The following CELF2 variants were observed in gnomAD, a reference collection of about 807,000 sequenced individuals.
CELF2 encodes the protein CUG triplet repeat RNA-binding protein 2.
A neutral mutation model predicts 62.6 loss-of-function variants in CELF2; 8 were observed. The ratio of observed to expected loss-of-function variants is 0.13; its 90% confidence interval spans 0.07 to 0.23. CELF2 has a LOEUF of 0.23. CELF2 is among the 10% of genes least tolerant of loss of function. The probability of loss-of-function intolerance (pLI) is 1.00; values close to 1 mark genes in which losing one functional copy is unlikely to be tolerated. For missense variants in CELF2, 333 were observed against 671.0 expected (o/e 0.50, Z 5.56); for synonymous variants, 258 against 250.0 (o/e 1.03, Z -0.30).
chr10:10,653,332 C>A, the CELF2 span, among the ~76,000 whole-genome samples: 2 of 149,264 alleles, frequency 1.3e-5, no homozygotes, highest in Non-Finnish European at 3.0e-5. Flanking sequence ...AACAAGGATA[C>A]CCAGGAATTG....
At chr10:11,325,757 G>C in intron 11 of CELF2, 79 bp from the exon 12 acceptor site, 8 of 1,319,454 alleles carry the variant, frequency 6.1e-6, no homozygotes, top group South Asian at 5.7e-5. Flanking sequence ...CCTACCTGTT[G>C]TTAAAGTATT....
the CELF2 span, among the ~76,000 whole-genome samples, chr10:10,473,913 A>C: frequency 6.6e-6 from 1 of 152,098 alleles, no homozygotes. Flanking sequence ...TTAACAGTGA[A>C]AAAGTTCAAC....
At chr10:10,662,320 G>A in the CELF2 span, among the ~76,000 whole-genome samples, 1 of 152,230 alleles carries the variant, frequency 6.6e-6, no homozygotes, top group Non-Finnish European at 1.5e-5. Flanking sequence ...GACTCCAGTA[G>A]ACAGTTAGAT....
the CELF2 span, among the ~76,000 whole-genome samples, chr10:10,462,869 T>C: frequency 6.6e-6 from 1 of 152,112 alleles, no homozygotes; most frequent in Non-Finnish European, 1.5e-5. Context: ...TGTCGCACTA[T>C]GACAATGAGT....
At chr10:11,286,192 G>A (rs1016578330) in intron 8 of CELF2, among the ~76,000 whole-genome samples, 1 of 152,228 alleles carries the variant, frequency 6.6e-6, no homozygotes, top group African/African-American at 2.4e-5. Flanking sequence ...TGGGCCAGCT[G>A]AGCCAGGCCA....
rs144164078 is a variant in CELF2, at chr10:10,918,364, T to C, written c.54-1600T>C. Among the ~76,000 whole-genome samples the C allele has an allele frequency of 8.4e-3, 1,284 of 152,312 alleles. 4 individuals are homozygous for C. Among genetic ancestry groups the C allele is most frequent in the African/African-American group, 0.011 (449 of 41,568 alleles). ...TGGCAGAGTGGACAATACCTTCAATTCTGGTTTTGCTGAAGGAATGGAAAC... is the reference window on the plus strand; with the variant it reads ...TGGCAGAGTGGACAATACCTTCAATCCTGGTTTTGCTGAAGGAATGGAAAC... On this transcript the variant is annotated intron_variant, in intron 1 of 13. Transcript: ENST00000636488.
At position 11,165,163 on chromosome 10, in the gene CELF2, G is replaced by A; in HGVS notation, c.75-323G>A. 8.6e-7 allele frequency: 1 copy of A among 1,165,828 alleles called. No homozygotes were observed. The allele number at this position is 1,165,828 out of a possible 1,614,324, so 72.2% of individuals were successfully genotyped here. A position where few individuals can be genotyped will look rare whatever the true frequency, so the allele number is the denominator to read the frequency against. ...CTGATGCGTTGATGGCAGCCTTGCA[G>A]AGCTAGACCTGCACTTAACTTGCAG... On this transcript the variant is annotated intron_variant, in intron 1 of 12. Coordinates refer to ENST00000633077, the MANE Select transcript of CELF2 (RefSeq NM_001326342.2). The surrounding 1 kb of genome is among the most constrained non-coding windows in gnomAD (Gnocchi z 7.4).
At chr10:10,504,240 C>T in the CELF2 span, among the ~76,000 whole-genome samples, 2 of 151,984 alleles carry the variant, frequency 1.3e-5, no homozygotes, top group African/African-American at 4.8e-5. Context: ...TTCCTTTAGC[C>T]ATTCTTTTAG....
the CELF2 span, among the ~76,000 whole-genome samples, chr10:10,658,698 A>G: frequency 6.6e-6 from 1 of 152,200 alleles, no homozygotes; most frequent in Non-Finnish European, 1.5e-5. Flanking sequence ...AATACATTCT[A>G]TCTTGTTAAA....
chr10:11,033,006 T>A (rs1381808290), intron 1 of CELF2, among the ~76,000 whole-genome samples: 1 of 152,232 alleles, frequency 6.6e-6, no homozygotes, highest in Non-Finnish European at 1.5e-5. Context: ...TTAACATTCA[T>A]GGAGTTAAAA....
At chr10:11,062,900 GTT>G (rs1408684832) in intron 1 of CELF2, among the ~76,000 whole-genome samples, 1 of 150,138 alleles carries the variant, frequency 6.7e-6, no homozygotes, top group African/African-American at 2.5e-5. Flanking sequence ...AAACTTCATG[GTT>G]GTCCTGTTTT....
the CELF2 span, among the ~76,000 whole-genome samples, chr10:10,579,821 G>C: frequency 6.6e-6 from 1 of 151,848 alleles, no homozygotes; most frequent in Non-Finnish European, 1.5e-5. Flanking sequence ...TTGTTTTTCA[G>C]TAGGAGCTGC....
chr10:11,064,707 A>G (rs1489476455), intron 1 of CELF2, among the ~76,000 whole-genome samples: 1 of 152,146 alleles, frequency 6.6e-6, no homozygotes, highest in Non-Finnish European at 1.5e-5. Context: ...ATCTTGATAT[A>G]TAGAGCAGGA....
At chr10:11,142,273 A>G (rs1430263407) in intron 1 of CELF2, among the ~76,000 whole-genome samples, 1 of 152,236 alleles carries the variant, frequency 6.6e-6, no homozygotes, top group Non-Finnish European at 1.5e-5. Flanking sequence ...GTCCAGAGGC[A>G]GACAACAGGG....
the CELF2 span, among the ~76,000 whole-genome samples, chr10:10,658,218 A>G: frequency 6.6e-6 from 1 of 152,186 alleles, no homozygotes; most frequent in Non-Finnish European, 1.5e-5. Flanking sequence ...GTGGACCACT[A>G]GGATCATTGT....
At chr10:10,571,910 A>C in the CELF2 span, among the ~76,000 whole-genome samples, 1 of 152,128 alleles carries the variant, frequency 6.6e-6, no homozygotes, top group Non-Finnish European at 1.5e-5. Flanking sequence ...TTAATAAATA[A>C]AGAGAGGGAG....
the CELF2 span, among the ~76,000 whole-genome samples, chr10:10,639,881 G>A: frequency 6.6e-6 from 1 of 152,128 alleles, no homozygotes; most frequent in African/African-American, 2.4e-5. Context: ...CACATGGCCA[G>A]CACCATTCAT....
upstream of CELF2, among the ~76,000 whole-genome samples, chr10:11,004,399 T>A (rs2054846101): frequency 6.7e-6 from 1 of 149,002 alleles, no homozygotes. The surrounding 1 kb of genome is among the most constrained non-coding windows in gnomAD (Gnocchi z 5.0). Context: ...GCATCTCTTC[T>A]TTCCTGTGTG....
intron 2 of CELF2, among the ~76,000 whole-genome samples, chr10:10,985,372 A>G (rs547372667): frequency 6.6e-6 from 1 of 152,272 alleles, no homozygotes; most frequent in Non-Finnish European, 1.5e-5. Context: ...TCCTTAAACT[A>G]CACTTAAGTA....
Sources: gnomAD v4.1 joint callset for allele counts (sites outside exome capture counted in the v4.1 genomes callset) on GRCh38, gnomAD v4.1.1 for gene constraint, Gnocchi (gnomAD v3.1) non-coding constraint, MANE v1.5 for transcripts, NCBI Gene and HGNC (gene_info 2026-07-23, HGNC 2026-07-21) for gene names.